ST6GALNAC3: variants seen among roughly 807,000 people sequenced by gnomAD.
ST6GALNAC3 encodes the protein ST6 N-acetylgalactosaminide alpha-2,6-sialyltransferase 3, also known as alpha-N-acetylgalactosaminide alpha-2,6-sialyltransferase 3.
In ST6GALNAC3, 25 loss-of-function variants were observed where a neutral mutation model predicts 32.7. The ratio of observed to expected loss-of-function variants is 0.76; its 90% CI spans 0.56 to 1.07. ST6GALNAC3 has a LOEUF of 1.07. Among genes scored for constraint, ST6GALNAC3 ranks in the 50% least tolerant of loss-of-function variants. ST6GALNAC3 has a pLI of 0.00. For synonymous variants in ST6GALNAC3, 129 were observed against 133.1 expected, an observed-to-expected ratio of 0.97 and a Z score of 0.21; for missense variants, 355 against 382.4, an observed-to-expected ratio of 0.93 and a Z score of 0.60.
intron 3 of ST6GALNAC3, among the ~76,000 whole-genome samples, chr1:76,540,176 A>T (rs963943721): frequency 6.6e-6 from 1 of 152,222 alleles, no homozygotes; most frequent in Non-Finnish European, 1.5e-5. Context: ...CTATGCAGCC[A>T]TAAAAAATAC....
intron 1 of ST6GALNAC3, among the ~76,000 whole-genome samples, chr1:76,091,996 A>T (rs528095539): frequency 6.6e-6 from 1 of 152,348 alleles, no homozygotes; most frequent in Admixed American, 6.5e-5. Context: ...ATGCGGGCTT[A>T]GAGAATTTAA....
chr1:76,214,786 ATGGTTAC>A (rs1393175564), intron 1 of ST6GALNAC3, among the ~76,000 whole-genome samples: 2 of 152,204 alleles, frequency 1.3e-5, no homozygotes, highest in African/African-American at 2.4e-5. Context: ...CATTGAAGAA[ATGGTTAC>A]TGGGTCGTAG....
chr1:76,386,137 T>TA (rs879534142), intron 2 of ST6GALNAC3, among the ~76,000 whole-genome samples: 59 of 146,954 alleles, frequency 4.0e-4, no homozygotes, highest in East Asian at 3.9e-4. Flanking sequence ...GCCTATATAT[T>TA]AAAAAAAAAA....
At chr1:76,203,337 A>T (rs529882216) in intron 1 of ST6GALNAC3, among the ~76,000 whole-genome samples, 260 of 152,320 alleles carry the variant, frequency 1.7e-3, no homozygotes, top group African/African-American at 5.9e-3. Context: ...AACTAGATCA[A>T]CAGTCTGGAA....
At chr1:76,300,955 C>T (rs1258771746) in intron 1 of ST6GALNAC3, among the ~76,000 whole-genome samples, 2 of 151,816 alleles carry the variant, frequency 1.3e-5, no homozygotes, top group African/African-American at 4.8e-5. Flanking sequence ...GAAGACATTG[C>T]ATGAGGAAAG....
At chr1:76,137,593 T>G (rs564356976) in intron 1 of ST6GALNAC3, among the ~76,000 whole-genome samples, 29 of 152,326 alleles carry the variant, frequency 1.9e-4, no homozygotes, top group African/African-American at 7.0e-4. Context: ...CCAAGGAGAT[T>G]ATGATTTAAT....
chr1:76,465,081 G>A (rs986185403), intron 3 of ST6GALNAC3, among the ~76,000 whole-genome samples: 1 of 152,198 alleles, frequency 6.6e-6, no homozygotes, highest in Non-Finnish European at 1.5e-5. Context: ...AGAGTAGAGG[G>A]CATGGAATTT....
chr1:76,352,497 C>CTTTTTT (rs397706056), intron 2 of ST6GALNAC3, among the ~76,000 whole-genome samples: 1 of 116,232 alleles, frequency 8.6e-6, no homozygotes, highest in Middle Eastern at 5.0e-3. Context: ...TTTTGGTTTC[C>CTTTTTT]TTTTTTTTTT....
intron 3 of ST6GALNAC3, among the ~76,000 whole-genome samples, chr1:76,609,757 C>T (rs1647797600): frequency 6.6e-6 from 1 of 152,038 alleles, no homozygotes; most frequent in African/African-American, 2.4e-5. Flanking sequence ...TTTGTTAAAC[C>T]CTTCATTTCC....
At chr1:76,184,771 A>G (rs1653445059) in intron 1 of ST6GALNAC3, among the ~76,000 whole-genome samples, 1 of 152,178 alleles carries the variant, frequency 6.6e-6, no homozygotes, top group South Asian at 2.1e-4. Flanking sequence ...GAGGATGCTC[A>G]TTGCATGAAA....
chr1:76,486,241 T>C (rs1660104565), intron 3 of ST6GALNAC3, among the ~76,000 whole-genome samples: 1 of 152,162 alleles, frequency 6.6e-6, no homozygotes, highest in African/African-American at 2.4e-5. Context: ...CTATTAGGTC[T>C]GCTTGGTGCA....
At chr1:76,483,668 G>T (rs1054563563) in intron 3 of ST6GALNAC3, among the ~76,000 whole-genome samples, 1 of 152,090 alleles carries the variant, frequency 6.6e-6, no homozygotes, top group African/African-American at 2.4e-5. Context: ...CCATTCTGTA[G>T]GTTGCCTGTT....
chr1:76,365,201 A>T (rs2101062767), intron 2 of ST6GALNAC3, among the ~76,000 whole-genome samples: 1 of 152,346 alleles, frequency 6.6e-6, no homozygotes, highest in Non-Finnish European at 1.5e-5. Flanking sequence ...GGAGGCCATT[A>T]TCCTAAGTGA....
At chr1:76,234,115 G>C (rs1337753891) in intron 1 of ST6GALNAC3, among the ~76,000 whole-genome samples, 1 of 152,178 alleles carries the variant, frequency 6.6e-6, no homozygotes, top group South Asian at 2.1e-4. Flanking sequence ...AGGTTTGTGC[G>C]ATAATGAAGT....
At chr1:76,579,832 A>G (rs1401705541) in intron 3 of ST6GALNAC3, among the ~76,000 whole-genome samples, 4 of 152,148 alleles carry the variant, frequency 2.6e-5, no homozygotes, top group East Asian at 1.9e-4. Context: ...AGACATTTAC[A>G]TATGTGGTCT....
At chr1:76,450,820 A>C (rs957454883) in intron 3 of ST6GALNAC3, among the ~76,000 whole-genome samples, 1 of 152,020 alleles carries the variant, frequency 6.6e-6, no homozygotes, top group Non-Finnish European at 1.5e-5. Flanking sequence ...TCCTTTTCCC[A>C]CTTCATTTTT....
intron 3 of ST6GALNAC3, among the ~76,000 whole-genome samples, chr1:76,573,292 G>C (rs12084124): frequency 6.6e-6 from 1 of 152,044 alleles, no homozygotes; most frequent in Non-Finnish European, 1.5e-5. Flanking sequence ...TGTCATAAGC[G>C]ATATAAACCT....
At position 76,514,356 on chromosome 1, in the gene ST6GALNAC3, A is replaced by G. The variant is rs549662830; in HGVS notation, c.623+101939A>G. Among the ~76,000 whole-genome samples, 14 of 152,102 alleles carry G rather than the reference A, an allele frequency of 9.2e-5. No individual in the cohort carries two copies. The East Asian group carries it at 2.5e-3, about 27-fold the overall frequency. ...GTTTTTTTCCTCTTACTTTTTGTTA[A>G]TGTGGTTGTATGGTTTGGATATGGT... is the stretch of plus-strand genomic sequence containing the variant. On this transcript the variant is annotated intron_variant, in intron 3 of 4. Transcript: ENST00000328299.
At chr1:76,168,332 G>T (rs1285438092) in intron 1 of ST6GALNAC3, among the ~76,000 whole-genome samples, 2 of 152,136 alleles carry the variant, frequency 1.3e-5, no homozygotes, top group Non-Finnish European at 1.5e-5. Flanking sequence ...TAATTTGATT[G>T]TGCTGTGGTC....
Sources: gnomAD v4.1 joint callset for allele counts (sites outside exome capture counted in the v4.1 genomes callset) on GRCh38, gnomAD v4.1.1 for gene constraint, MANE v1.5 for transcripts, NCBI Gene and HGNC (gene_info 2026-07-23, HGNC 2026-07-21) for gene names.